GSG1: variants seen among roughly 807,000 people sequenced by gnomAD.
GSG1 encodes the protein germ cell-specific gene 1 protein.
GSG1 carries 28 observed loss-of-function variants against 30.8 expected under a neutral mutation model. The observed-to-expected ratio is 0.91, with a 90% CI of 0.67 to 1.25. GSG1 has a LOEUF of 1.25. GSG1 is among the 50% of genes most tolerant of loss of function. The probability of loss-of-function intolerance (pLI) is 0.00; values close to 1 mark genes in which losing one functional copy is unlikely to be tolerated. For synonymous variants in GSG1, 162 were observed against 178.0 expected, an observed-to-expected ratio of 0.91 and a Z score of 0.71; for missense variants, 435 against 444.7, an observed-to-expected ratio of 0.98 and a Z score of 0.20.
At chr12:13,099,760 T>G (rs570447580) in intron 1 of GSG1, among the ~76,000 whole-genome samples, 16 of 110,356 alleles carry the variant, frequency 1.4e-4, no homozygotes, top group South Asian at 1.1e-3. Context: ...GTTTTTTTTT[T>G]TTTTTTTTGT....
intron 1 of GSG1, among the ~76,000 whole-genome samples, chr12:13,097,199 A>T (rs1022591522): frequency 7.9e-5 from 12 of 152,042 alleles, no homozygotes; most frequent in African/African-American, 2.9e-4. Context: ...GCCTTTGCTG[A>T]TGCTCTTCCT....
At chr12:13,086,953 G>A (rs879671310) in intron 6 of GSG1, among the ~76,000 whole-genome samples, 199 bp downstream of exon 6, 4 of 152,172 alleles carry the variant, frequency 2.6e-5, no homozygotes, top group African/African-American at 7.2e-5. Context: ...AGACACACTC[G>A]AGGAATCCTT....
chr12:13,103,516 C>T lies in GSG1; in HGVS notation c.-4G>A. The T allele has an allele frequency of 6.2e-7, 1 of 1,614,006 alleles. No homozygotes were observed. The highest frequency in any genetic ancestry group is 8.5e-7 in the Non-Finnish European group (1 of 1,179,880). On this transcript the variant is annotated 5_prime_UTR_variant, in exon 1 of 7. In the 5' UTR this introduces an upstream ATG that the reference lacks. Coordinates refer to ENST00000651961, the MANE Select transcript of GSG1 (RefSeq NM_001080555.4). ...TCAGTTGAGAGGGATCGCTCATTCA[C>T]TCTTGCAGCGGGAAGGCAGAGAAGT...
At chr12:13,098,789 C>G (rs1051507891) in intron 1 of GSG1, among the ~76,000 whole-genome samples, 7 of 152,056 alleles carry the variant, frequency 4.6e-5, no homozygotes, top group African/African-American at 1.4e-4. Flanking sequence ...AACTGCACCC[C>G]CTGTGCCTTA....
chr12:13,099,730 G>A (rs1565550855), intron 1 of GSG1, among the ~76,000 whole-genome samples: 1 of 150,980 alleles, frequency 6.6e-6, no homozygotes, highest in Non-Finnish European at 1.5e-5. Flanking sequence ...CTGGGGCTAA[G>A]GGATCCGGTG....
intron 6 of GSG1, among the ~76,000 whole-genome samples, chr12:13,086,535 A>G (rs951011315): frequency 1.3e-5 from 2 of 152,212 alleles, no homozygotes; most frequent in Non-Finnish European, 2.9e-5. Context: ...GCTCTCAAAG[A>G]TAATATTTAA....
chr12:13,087,731 C>T (rs903335668), intron 5 of GSG1, among the ~76,000 whole-genome samples, 176 bp downstream of exon 5: 4 of 152,348 alleles, frequency 2.6e-5, no homozygotes, highest in South Asian at 2.1e-4. Context: ...GTAAAGTACA[C>T]GGTGATCCAA....
chr12:13,102,986 C>T (rs1863324982), intron 1 of GSG1, among the ~76,000 whole-genome samples: 1 of 152,248 alleles, frequency 6.6e-6, no homozygotes, highest in Admixed American at 6.5e-5. Flanking sequence ...AGCTGCCTTC[C>T]AGCAGGACCT....
At position 13,099,759 on chromosome 12, in the gene GSG1, T is replaced by TTTTTTTTTG. The variant is rs1863045563; in HGVS notation, c.48+3705_48+3706insCAAAAAAAA. On this transcript the variant is annotated intron_variant, in intron 1 of 6. Transcript: ENST00000651961. The stretch of plus-strand genomic sequence containing the variant: ...TCCGGTGTTTTTTTTTGTTTTTTTT[T>TTTTTTTTTG]TTTTTTTTTGTTTTTTCTTCATGTC... Among the ~76,000 whole-genome samples the TTTTTTTTTG allele has an allele frequency of 7.6e-5, 11 of 144,796 alleles. 1 individual carries two copies. The highest frequency in any genetic ancestry group is 6.6e-4 in the South Asian group (3 of 4,574). The allele number at this position is 144,796 out of a possible 152,430, so 95.0% of individuals were successfully genotyped here.
At chr12:13,099,119 C>A (rs537476710) in intron 1 of GSG1, among the ~76,000 whole-genome samples, 1 of 152,238 alleles carries the variant, frequency 6.6e-6, no homozygotes, top group South Asian at 2.1e-4. Flanking sequence ...CTTGATTCCC[C>A]CTCCCCAAGG....
chr12:13,086,001 T>C (rs1865484833), intron 6 of GSG1, among the ~76,000 whole-genome samples: 2 of 152,202 alleles, frequency 1.3e-5, no homozygotes. Flanking sequence ...ACTTGGAAAG[T>C]CAAATCCCTA....
intron 1 of GSG1, among the ~76,000 whole-genome samples, chr12:13,092,344 T>G (rs934148873): frequency 2.0e-5 from 3 of 152,136 alleles, no homozygotes; most frequent in African/African-American, 7.2e-5. Context: ...CAGCAGCCAC[T>G]ACCTGGAGTT....
chr12:13,103,333 G>A (rs1048834525), intron 1 of GSG1, 132 bp downstream of exon 1: 7 of 750,868 alleles, frequency 9.3e-6, no homozygotes, highest in Non-Finnish European at 1.7e-5. Flanking sequence ...ACCCTATAGT[G>A]CATTTCCAAG....
In GSG1 at chr12:13,090,589, T is replaced by TTAC. The variant is rs762662131; in HGVS notation, c.277_278insGTA (p.Tyr92_Asn93insSer). On this transcript the variant is annotated inframe_insertion, in exon 2 of 7. Transcript: ENST00000651961. ...GAACCGGTCATCCCCAGTCTCCCAG[T>TTAC]TGTATTGTACCACCTCCTGGGTGGA... The TTAC allele has an allele frequency of 6.2e-7, 1 of 1,614,130 alleles. No individual in the cohort carries two copies. The highest frequency in any genetic ancestry group is 2.2e-5 in the East Asian group (1 of 44,882).
rs1246082809 is a variant in GSG1, at chr12:13,101,419, G to A, written c.48+2046C>T. On this transcript the variant is annotated intron_variant, in intron 1 of 6. Coordinates refer to ENST00000651961, the MANE Select transcript of GSG1 (RefSeq NM_001080555.4). The surrounding 1 kb of genome is among the most constrained non-coding windows in gnomAD (Gnocchi z 5.8). ...CATGGCTTCCTGACCGGGTCGGGCGGGGGTACCCGGGCTGTTTCTTCCTCT... is the reference window on the plus strand; with the variant it reads ...CATGGCTTCCTGACCGGGTCGGGCGAGGGTACCCGGGCTGTTTCTTCCTCT... Among the ~76,000 whole-genome samples, 1 of 152,246 alleles carries A rather than the reference G, an allele frequency of 6.6e-6. No individual in the cohort carries two copies. Among genetic ancestry groups the A allele is most frequent in the African/African-American group, 2.4e-5 (1 of 41,468 alleles).
At chr12:13,099,750 G>GTTTTGTTTTTTTTTTT (rs1863022060) in intron 1 of GSG1, among the ~76,000 whole-genome samples, 8 of 114,824 alleles carry the variant, frequency 7.0e-5, no homozygotes, top group Non-Finnish European at 1.4e-4. Context: ...GTTTTTTTTT[G>GTTTTGTTTTTTTTTTT]TTTTTTTTTT....
At chr12:13,099,766 T>TTTTTTTTTTTTTG (rs1565551493) in intron 1 of GSG1, among the ~76,000 whole-genome samples, 2 of 121,162 alleles carry the variant, frequency 1.7e-5, no homozygotes, top group African/African-American at 6.7e-5. Flanking sequence ...TTTTTTTTTT[T>TTTTTTTTTTTTTG]TTGTTTTTTC....
At chr12:13,100,199 A>G (rs1156342986) in intron 1 of GSG1, among the ~76,000 whole-genome samples, 5 of 152,260 alleles carry the variant, frequency 3.3e-5, no homozygotes, top group Non-Finnish European at 5.9e-5. Context: ...TTATGGATAC[A>G]ATTAGAAATC....
intron 1 of GSG1, among the ~76,000 whole-genome samples, chr12:13,091,043 G>A (rs550240458): frequency 7.9e-5 from 12 of 152,266 alleles, no homozygotes; most frequent in African/African-American, 1.9e-4. Flanking sequence ...AAAACCATAC[G>A]CCCAAATGGG....
Sources: gnomAD v4.1 joint callset for allele counts (sites outside exome capture counted in the v4.1 genomes callset) on GRCh38, gnomAD v4.1.1 for gene constraint, Gnocchi (gnomAD v3.1) non-coding constraint, MANE v1.5 for transcripts, NCBI Gene and HGNC (gene_info 2026-07-23, HGNC 2026-07-21) for gene names.